Variants in ARHGEF12 observed in about 807,000 individuals in gnomAD.
The protein encoded by ARHGEF12 is Rho guanine nucleotide exchange factor 12.
In ARHGEF12, 66 loss-of-function variants were observed where a neutral mutation model predicts 211.2. The observed-to-expected ratio is 0.31, with a 90% CI of 0.26 to 0.38. The LOEUF (loss-of-function observed/expected upper bound fraction) is 0.38, where lower values mean the gene tolerates loss of function less well. Among genes scored for constraint, ARHGEF12 ranks in the 10% least tolerant of loss-of-function variants. The probability of loss-of-function intolerance (pLI) is 1.00; values close to 1 mark genes in which losing one functional copy is unlikely to be tolerated. For missense variants in ARHGEF12, 1,429 were observed against 1,869.5 expected, an observed-to-expected ratio of 0.76 and a Z score of 4.34; for synonymous variants, 592 against 638.4, an observed-to-expected ratio of 0.93 and a Z score of 1.09.
chr11:120,413,954 A>G (rs1944955390), intron 4 of ARHGEF12, among the ~76,000 whole-genome samples: 1 of 152,212 alleles, frequency 6.6e-6, no homozygotes, highest in Non-Finnish European at 1.5e-5. Context: ...TTTTCATTAT[A>G]GGAGTTATGG....
intron 15 of ARHGEF12, 58 bp from the exon 16 acceptor site, chr11:120,445,364 A>G (rs988012838): frequency 1.3e-6 from 2 of 1,559,972 alleles, no homozygotes; most frequent in African/African-American, 2.7e-5. Context: ...AGAAGTACTT[A>G]TGTACATCTT....
intron 1 of ARHGEF12, among the ~76,000 whole-genome samples, chr11:120,363,910 G>A (rs1364350525): frequency 6.6e-6 from 1 of 152,146 alleles, no homozygotes; most frequent in Non-Finnish European, 1.5e-5. Flanking sequence ...GGAATATCAT[G>A]GAACTTTAGT....
intron 16 of ARHGEF12, among the ~76,000 whole-genome samples, chr11:120,446,159 C>G (rs1946040099): frequency 6.6e-6 from 1 of 150,440 alleles, no homozygotes; most frequent in African/African-American, 2.4e-5. Context: ...GATCGCGCCA[C>G]TGCACTCCAG....
chr11:120,338,600 AT>A (rs1336764978), intron 1 of ARHGEF12, among the ~76,000 whole-genome samples: 4 of 152,232 alleles, frequency 2.6e-5, no homozygotes, highest in Non-Finnish European at 5.9e-5. Context: ...GACAATGCTT[AT>A]CTTACTTTCT....
rs1491551462 is a variant in ARHGEF12, at chr11:120,347,178, TCC to T, written c.32+9904_32+9905del. ...TTCCTTCCTTCCTTCCTTCCTTCCT[TCC>T]TTCCTTTCTTTCTTTCTTTCTTTCT... On this transcript the variant is annotated intron_variant, in intron 1 of 40. Transcript: ENST00000397843. 6.3e-3 allele frequency among the ~76,000 whole-genome samples: 798 copies of T among 126,894 alleles called. 18 individuals carry two copies. Among genetic ancestry groups the T allele is most frequent in the African/African-American group, 0.018 (547 of 30,138 alleles). 83.2% of individuals were successfully genotyped at this position (126,894 alleles called of 152,430 possible).
rs757158419 is a variant in ARHGEF12 at position 120,480,225 on chromosome 11, A to G, written c.4032A>G (p.Ala1344=). The G allele has an allele frequency of 6.2e-7, 1 of 1,614,186 alleles. No homozygotes were observed. Among genetic ancestry groups the G allele is most frequent in the Non-Finnish European group, 8.5e-7 (1 of 1,180,024 alleles). The change falls in exon 38 of 41, where the codon GCA becomes GCG. Residue 1344 remains alanine, a synonymous_variant. Transcript: ENST00000397843. ...CTCCACGGGATTCAGTGGGACTGGC[A>G]CCCCAGGATAGCCAGGCAAGTAACA... The part of the protein sequence containing the change: ...SFAPRDSVGL[A]PQDSQASNIL...
chr11:120,354,389 A>T (rs761324002), intron 1 of ARHGEF12, among the ~76,000 whole-genome samples: 1 of 152,138 alleles, frequency 6.6e-6, no homozygotes, highest in South Asian at 2.1e-4. Context: ...ATCTTCTCAC[A>T]TTCCAGCTTG....
chr11:120,479,572 C>T (rs1272641596), intron 37 of ARHGEF12, among the ~76,000 whole-genome samples: 1 of 152,052 alleles, frequency 6.6e-6, no homozygotes, highest in African/African-American at 2.4e-5. Context: ...CTTTTTCTGT[C>T]TAGCTTAACA....
intron 20 of ARHGEF12, chr11:120,448,869 C>A: frequency 2.4e-6 from 1 of 421,928 alleles, no homozygotes; most frequent in Non-Finnish European, 4.2e-6. Context: ...TGCTATAAAA[C>A]TACCCTTTGA....
chr11:120,480,281 C>G lies in ARHGEF12; in HGVS notation c.4088C>G (p.Pro1363Arg), dbSNP rs1482084312. ...GTAATGGACCACATGATTATGACCC[C>G]AGAGATGCCTACCATGGAGCCAGAA... ...ILVMDHMIMT[P>R]EMPTMEPEGG... Residue 1363 changes from proline (P) to arginine (R), a missense_variant, in exon 38 of 41, where the codon CCA (proline) becomes CGA (arginine). Physicochemically the swap from Pro to Arg is moderately radical, Grantham distance 103 (BLOSUM62 -2). Transcript: ENST00000397843. 1 of 1,614,152 alleles carries G rather than the reference C, an allele frequency of 6.2e-7. No individual in the cohort carries two copies. The highest frequency in any genetic ancestry group is 1.7e-5 in the Admixed American group (1 of 60,022).
intron 1 of ARHGEF12, among the ~76,000 whole-genome samples, chr11:120,364,005 A>G (rs1291140333): frequency 1.3e-5 from 2 of 152,182 alleles, no homozygotes; most frequent in Non-Finnish European, 2.9e-5. Context: ...TTGTCCAGAC[A>G]CAATCACCAT....
chr11:120,443,786 AG>A (rs1945955892), intron 15 of ARHGEF12, among the ~76,000 whole-genome samples: 1 of 152,272 alleles, frequency 6.6e-6, no homozygotes, highest in Non-Finnish European at 1.5e-5. Context: ...AAAAAACAAA[AG>A]CCAATACCAC....
intron 4 of ARHGEF12, among the ~76,000 whole-genome samples, chr11:120,415,843 T>TAAAG (rs2135631464): frequency 6.6e-6 from 1 of 152,328 alleles, no homozygotes; most frequent in South Asian, 2.1e-4. Flanking sequence ...GTAACACTTT[T>TAAAG]TATATTGGTC....
At position 120,477,079 on chromosome 11, in the gene ARHGEF12, GTTTTGT is replaced by G. The variant is rs538664753; in HGVS notation, c.3366-138_3366-133del. 1.0e-3 allele frequency: 687 copies of G among 687,882 alleles called. 3 individuals carry two copies. In the African/African-American group the frequency reaches 0.011, roughly 11 times the overall value. 42.6% of individuals were successfully genotyped at this position (687,882 alleles called of 1,614,324 possible). On this transcript the variant is annotated intron_variant, in intron 34 of 40. Transcript: ENST00000397843. The stretch of plus-strand genomic sequence containing the variant: ...ATAAAGATATTCTCTGGCAGAGTGG[GTTTTGT>G]TGTTGTTGTTGTTGTTGTTGTTGTT...
intron 1 of ARHGEF12, among the ~76,000 whole-genome samples, chr11:120,373,533 A>G (rs188498420): frequency 6.6e-6 from 1 of 152,344 alleles, no homozygotes; most frequent in Non-Finnish European, 1.5e-5. Flanking sequence ...ATATTTGGTG[A>G]ATGAATTAAC....
At chr11:120,424,923 A>G (rs970159544) in intron 7 of ARHGEF12, among the ~76,000 whole-genome samples, 7 of 152,358 alleles carry the variant, frequency 4.6e-5, no homozygotes, top group Admixed American at 3.9e-4. Context: ...AAATGATTAT[A>G]TAATCCAGAG....
chr11:120,421,234 T>G (rs1591569444), intron 5 of ARHGEF12, among the ~76,000 whole-genome samples: 1 of 152,164 alleles, frequency 6.6e-6, no homozygotes, highest in African/African-American at 2.4e-5. Flanking sequence ...GTGATAATAT[T>G]TTCTACTGCT....
At chr11:120,403,238 G>A (rs557692678) in intron 1 of ARHGEF12, among the ~76,000 whole-genome samples, 3 of 152,250 alleles carry the variant, frequency 2.0e-5, no homozygotes, top group South Asian at 2.1e-4. Flanking sequence ...CAGGCGCGGC[G>A]GCTCACACCT....
chr11:120,473,328 T>G (rs895376004), intron 31 of ARHGEF12, among the ~76,000 whole-genome samples: 1 of 152,194 alleles, frequency 6.6e-6, no homozygotes, highest in South Asian at 2.1e-4. Flanking sequence ...ATATCTTGCA[T>G]AAAACTGTAA....
Sources: gnomAD v4.1 joint callset for allele counts (sites outside exome capture counted in the v4.1 genomes callset) on GRCh38, gnomAD v4.1.1 for gene constraint, MANE v1.5 for transcripts, NCBI Gene and HGNC (gene_info 2026-07-23, HGNC 2026-07-21) for gene names.